The following KIF13B variants were observed in gnomAD, a reference collection of about 807,000 sequenced individuals.
KIF13B encodes the protein kinesin-like protein KIF13B.
In KIF13B, 127 loss-of-function variants were observed where a neutral mutation model predicts 222.0. The observed-to-expected ratio is 0.57, with a 90% CI of 0.50 to 0.66. The LOEUF (loss-of-function observed/expected upper bound fraction) is 0.66, where lower values mean the gene tolerates loss of function less well. Ranked by LOEUF, KIF13B falls within the 30% of genes least tolerant of loss-of-function variation. KIF13B has a pLI of 0.00. For missense variants in KIF13B, 2,173 were observed against 2,379.0 expected, an observed-to-expected ratio of 0.91 and a Z score of 1.80; for synonymous variants, 976 against 919.0, an observed-to-expected ratio of 1.06 and a Z score of -1.12.
chr8:29,176,266 C>A, intron 9 of KIF13B, 87 bp from the exon 10 acceptor site: 2 of 771,708 alleles, frequency 2.6e-6, no homozygotes, highest in Non-Finnish European at 4.4e-6. Flanking sequence ...ACTAAGATGC[C>A]CTTGTACCTG....
intron 24 of KIF13B, among the ~76,000 whole-genome samples, chr8:29,129,988 C>A (rs1810275915): frequency 6.6e-6 from 1 of 152,204 alleles, no homozygotes; most frequent in Non-Finnish European, 1.5e-5. Flanking sequence ...TGAGCCCAAG[C>A]ATTTTACAAT....
rs908102400 is a variant in KIF13B at position 29,185,498 on chromosome 8, G to A, written c.497+794C>T. On this transcript the variant is annotated intron_variant, in intron 6 of 39. Transcript: ENST00000524189. ...TAAGTAAAGTTTGTACAGAAGCACT[G>A]AGCATCAATTCAATCTCCCTGTTAG... 2.0e-5 allele frequency among the ~76,000 whole-genome samples: 3 copies of A among 152,212 alleles called. No individual in the cohort carries two copies. The East Asian group carries it at 5.8e-4, about 29-fold the overall frequency.
chr8:29,179,864 C>A (rs1163241264), intron 8 of KIF13B, among the ~76,000 whole-genome samples: 1 of 152,150 alleles, frequency 6.6e-6, no homozygotes, highest in Non-Finnish European at 1.5e-5. Context: ...GAAAGTTATT[C>A]CTCGAGAGGC....
intron 2 of KIF13B, among the ~76,000 whole-genome samples, chr8:29,212,031 T>C (rs1814250690): frequency 6.6e-6 from 1 of 152,212 alleles, no homozygotes; most frequent in Non-Finnish European, 1.5e-5. Context: ...ATGTTATCAG[T>C]ACTTTATTCC....
Position 29,070,572 on chromosome 8 carries a change from T to C in KIF13B, c.5413A>G (p.Thr1805Ala). ...SGSATNLASL[T>A]AALAKADRSH... ...CTGTCGGCCTTGGCCAGGGCAGCTGTCAGCGAGGCCAGGTTGGTGGCGGAG... is the reference window on the plus strand; with the variant it reads ...CTGTCGGCCTTGGCCAGGGCAGCTGCCAGCGAGGCCAGGTTGGTGGCGGAG... The change falls in exon 40 of 40, where the codon ACA becomes GCA. Residue 1805 changes from threonine (T) to alanine (A), a missense_variant. Around this residue, in one of 2 missense-constraint regions of KIF13B, gnomAD observed 693 missense variants for 656.2 expected, o/e 1.06. Transcript: ENST00000524189. This position sits in a 1 kb window ranked among gnomAD's most constrained non-coding sequence, Gnocchi z 4.1. 1 of 1,605,612 alleles carries C rather than the reference T, an allele frequency of 6.2e-7. No individual in the cohort carries two copies. Among genetic ancestry groups the C allele is most frequent in the Non-Finnish European group, 8.5e-7 (1 of 1,176,536 alleles).
chr8:29,125,071 A>C (rs1347759960), intron 26 of KIF13B, among the ~76,000 whole-genome samples: 2 of 152,054 alleles, frequency 1.3e-5, no homozygotes, highest in African/African-American at 4.8e-5. Context: ...ACAAACAAAA[A>C]ACCACTTTCA....
chr8:29,156,278 T>C (rs990685183), intron 13 of KIF13B, among the ~76,000 whole-genome samples: 3 of 152,122 alleles, frequency 2.0e-5, no homozygotes, highest in South Asian at 2.1e-4. Flanking sequence ...GCCTAAAAGA[T>C]TTTTTAAAAG....
intron 2 of KIF13B, among the ~76,000 whole-genome samples, chr8:29,236,537 T>G (rs975591442): frequency 1.3e-5 from 2 of 152,224 alleles, no homozygotes; most frequent in African/African-American, 4.8e-5. Context: ...TAAATTCTAT[T>G]TCAATTTTCC....
intron 14 of KIF13B, among the ~76,000 whole-genome samples, chr8:29,151,544 T>C (rs1025207694): frequency 1.3e-5 from 2 of 152,250 alleles, no homozygotes; most frequent in Admixed American, 6.5e-5. Flanking sequence ...CAATGCTTAC[T>C]GACCATTCTG....
rs368870483 is a variant in KIF13B, at chr8:29,132,379, G to A, written c.2871C>T (p.Asn957=). ...ACAGGGCGGGGTTTTTCCGGGGATC[G>A]TTTATTTTATGTCCATATACTTCAA... ...LAIEVYGHKI[N]DPRKNPALWD... The change falls in exon 23 of 40, where the codon AAC becomes AAT. Residue 957 remains asparagine, a synonymous_variant. Transcript: ENST00000524189. 70 of 1,592,870 alleles carry A rather than the reference G, an allele frequency of 4.4e-5. No homozygotes were observed. Among genetic ancestry groups the A allele is most frequent in the African/African-American group, 8.1e-5 (6 of 73,784 alleles).
chr8:29,087,579 A>T (rs1319302109), intron 37 of KIF13B, among the ~76,000 whole-genome samples: 1 of 152,258 alleles, frequency 6.6e-6, no homozygotes. Flanking sequence ...CCTGACCAAC[A>T]GCACAATGAG....
intron 12 of KIF13B, among the ~76,000 whole-genome samples, chr8:29,162,192 C>T (rs113753552): frequency 0.013 from 1,915 of 152,208 alleles, 24 homozygotes; most frequent in African/African-American, 0.029. Flanking sequence ...CACCCAAGAC[C>T]TCTGATTCTG....
In KIF13B at chr8:29,127,140, T is replaced by A; in HGVS notation, c.3204A>T (p.Arg1068Ser). The A allele has an allele frequency of 6.2e-7, 1 of 1,613,974 alleles. No homozygotes were observed. The highest frequency in any genetic ancestry group is 8.5e-7 in the Non-Finnish European group (1 of 1,179,856). ...AACTTACATGGAAGGTCTCATGTGTTCTGGGGGCTCTGAGCGGTCTAACTT... is the reference window on the plus strand; with the variant it reads ...AACTTACATGGAAGGTCTCATGTGTACTGGGGGCTCTGAGCGGTCTAACTT... ...CVKVRPLRAP[R>S]THETFHEEEE... Residue 1068 changes from arginine (R) to serine (S), a missense_variant, in exon 25 of 40, where the codon AGA becomes AGT. By Grantham distance (110) the Arg-to-Ser change is moderately radical. Coordinates refer to ENST00000524189, the MANE Select transcript of KIF13B (RefSeq NM_015254.4).
chr8:29,142,776 T>C (rs1810876968), intron 18 of KIF13B, among the ~76,000 whole-genome samples: 1 of 151,942 alleles, frequency 6.6e-6, no homozygotes, highest in Non-Finnish European at 1.5e-5. Flanking sequence ...GAGGCAGAGG[T>C]TGCAGTGAGC....
At chr8:29,112,867 C>G (rs945071287) in intron 32 of KIF13B, among the ~76,000 whole-genome samples, 1 of 152,236 alleles carries the variant, frequency 6.6e-6, no homozygotes, top group Admixed American at 6.5e-5. Flanking sequence ...AATTTAAGCT[C>G]TGCTTCTCTG....
At chr8:29,080,326 T>TTA (rs1279779279) in intron 37 of KIF13B, among the ~76,000 whole-genome samples, 1 of 11,764 alleles carries the variant, frequency 8.5e-5, no homozygotes, top group Non-Finnish European at 1.9e-4. Flanking sequence ...AGACCCAGTC[T>TTA]CAAAAAAAAA....
chr8:29,103,337 G>C (rs1808889291), intron 35 of KIF13B, among the ~76,000 whole-genome samples: 1 of 151,760 alleles, frequency 6.6e-6, no homozygotes, highest in Non-Finnish European at 1.5e-5. Context: ...TCAATGCACA[G>C]CTGACTCCAG....
At chr8:29,095,403 C>T (rs1808476876) in intron 36 of KIF13B, among the ~76,000 whole-genome samples, 1 of 152,154 alleles carries the variant, frequency 6.6e-6, no homozygotes, top group South Asian at 2.1e-4. Flanking sequence ...AAAACAACAA[C>T]AAAACAAAAC....
In KIF13B at chr8:29,069,259, G is replaced by C. The variant is rs1008268727; in HGVS notation, c.*1245C>G. ...ATAAGTGCCCCAGCCAGGAGGTGGA[G>C]GCCACCCCGGAAGCTTCCGGCTGTC... On this transcript the variant is annotated 3_prime_UTR_variant, in exon 40 of 40. Transcript: ENST00000524189. The C allele has an allele frequency of 6.6e-6, 1 of 152,258 alleles. No homozygotes were observed. Among genetic ancestry groups the C allele is most frequent in the Non-Finnish European group, 1.5e-5 (1 of 68,118 alleles). The allele number at this position is 152,258 out of a possible 1,614,324, so 9.4% of individuals were successfully genotyped here. A position where few individuals can be genotyped will look rare whatever the true frequency, so the allele number is the denominator to read the frequency against.
Sources: gnomAD v4.1 joint callset for allele counts (sites outside exome capture counted in the v4.1 genomes callset) on GRCh38, gnomAD v4.1.1 for gene constraint, gnomAD v4.1.1 regional missense constraint, Gnocchi (gnomAD v3.1) non-coding constraint, MANE v1.5 for transcripts, NCBI Gene and HGNC (gene_info 2026-07-23, HGNC 2026-07-21) for gene names.